The following NIPBL variants were observed in gnomAD, a reference collection of about 807,000 sequenced individuals.
The protein encoded by NIPBL is NIPBL cohesin loading factor, also known as nipped-B-like protein.
NIPBL carries 19 observed loss-of-function variants against 321.8 expected under a neutral mutation model. The observed-to-expected ratio is 0.06, with a 90% CI of 0.04 to 0.09. The LOEUF is 0.09. Ranked by LOEUF, NIPBL falls within the 10% of genes least tolerant of loss-of-function variation. The pLI, the probability that NIPBL is intolerant of heterozygous loss-of-function variation, is 1.00. For missense variants in NIPBL, 2,210 were observed against 3,327.0 expected (o/e 0.66, Z 8.26); for synonymous variants, 1,106 against 1,114.1 (o/e 0.99, Z 0.14).
chr5:36,886,040 A>G (rs752823056), intron 1 of NIPBL: 3 of 713,394 alleles, frequency 4.2e-6, no homozygotes, highest in South Asian at 1.4e-5. Context: ...GGAGAGCACC[A>G]CAGTGGTCAC....
At chr5:36,909,659 ATGAG>A (rs1182470155) in intron 1 of NIPBL, among the ~76,000 whole-genome samples, 1 of 152,198 alleles carries the variant, frequency 6.6e-6, no homozygotes, top group African/African-American at 2.4e-5. Flanking sequence ...ACCTACCTGA[ATGAG>A]TATTATAAAT....
chr5:37,022,888 G>T (rs1749812815), intron 29 of NIPBL, among the ~76,000 whole-genome samples: 1 of 152,124 alleles, frequency 6.6e-6, no homozygotes, highest in South Asian at 2.1e-4. Context: ...AGTCCATTGA[G>T]GTTTAAGAGC....
At chr5:36,994,186 C>G (rs147701512) in intron 10 of NIPBL, among the ~76,000 whole-genome samples, 2 of 152,180 alleles carry the variant, frequency 1.3e-5, no homozygotes, top group East Asian at 3.9e-4. Flanking sequence ...AGAAATATTA[C>G]CTGATTTCAA....
intron 34 of NIPBL, among the ~76,000 whole-genome samples, chr5:37,039,153 CACATTAATAAGGA>C (rs1395085643): frequency 2.6e-4 from 39 of 152,032 alleles, no homozygotes. Context: ...CCATCTAATG[CACATTAATAAGGA>C]ACAGTAGTCA....
At chr5:36,997,217 T>G (rs1157654541) in intron 11 of NIPBL, among the ~76,000 whole-genome samples, 4 of 152,074 alleles carry the variant, frequency 2.6e-5, no homozygotes, top group African/African-American at 7.2e-5. Flanking sequence ...CCTCTTTCCC[T>G]CTAATAAACA....
chr5:36,956,128 G>A (rs1740916570), intron 3 of NIPBL, among the ~76,000 whole-genome samples: 1 of 151,874 alleles, frequency 6.6e-6, no homozygotes, highest in South Asian at 2.1e-4. Flanking sequence ...CTACTCGGGA[G>A]GCTGAGGCAG....
At chr5:37,061,360 C>T (rs533886522) in intron 45 of NIPBL, among the ~76,000 whole-genome samples, 3 of 152,178 alleles carry the variant, frequency 2.0e-5, no homozygotes, top group East Asian at 3.9e-4. Context: ...CCAAATCCTC[C>T]GATATTCAAG....
chr5:36,940,658 CAT>C (rs1176535943), intron 1 of NIPBL, among the ~76,000 whole-genome samples: 1 of 151,794 alleles, frequency 6.6e-6, no homozygotes, highest in Non-Finnish European at 1.5e-5. Flanking sequence ...TTTTGTTTTT[CAT>C]ATAAAAAACA....
chr5:36,996,524 C>A lies in NIPBL; in HGVS notation c.3304+720C>A, dbSNP rs1746160581. 4.4e-6 allele frequency: 2 copies of A among 456,610 alleles called. No homozygotes were observed. Among genetic ancestry groups the A allele is most frequent in the Non-Finnish European group, 4.4e-6 (1 of 226,904 alleles). 28.3% of individuals were successfully genotyped at this position (456,610 alleles called of 1,614,324 possible). On this transcript the variant is annotated intron_variant, in intron 11 of 46. Transcript: ENST00000282516. The surrounding 1 kb of genome is among the most constrained non-coding windows in gnomAD (Gnocchi z 5.0). ...TCTCTACAACACTGTGATCACCTGT[C>A]TTTGCACTAGACTTGCTATACCTCG...
In NIPBL at chr5:37,028,850, A is replaced by G. The variant is rs551205564; in HGVS notation, c.5862+1438A>G. Among the ~76,000 whole-genome samples, 3 of 152,264 alleles carry G rather than the reference A, an allele frequency of 2.0e-5. No individual in the cohort carries two copies. In the South Asian group the frequency reaches 6.2e-4, roughly 32 times the overall value. ...AGTTGGTTTGCAGTTGCTTTGGTTG[A>G]TATACTCTTAAGTCTCTTATGTTAG... On this transcript the variant is annotated intron_variant, in intron 32 of 46. Transcript: ENST00000282516.
At chr5:37,062,334 A>G (rs13186745) in intron 45 of NIPBL, among the ~76,000 whole-genome samples, 16,329 of 152,146 alleles carry the variant, frequency 0.11, 1,145 homozygotes, top group Admixed American at 0.19. Context: ...TTCTTTTCTG[A>G]TAACCAATAT....
intron 3 of NIPBL, among the ~76,000 whole-genome samples, chr5:36,956,778 C>A (rs1741014498): frequency 6.6e-6 from 1 of 151,652 alleles, no homozygotes; most frequent in African/African-American, 2.4e-5. Flanking sequence ...GCCCCCACCA[C>A]CATGCCTGGC....
chr5:36,993,788 A>G (rs921620082), intron 10 of NIPBL, among the ~76,000 whole-genome samples: 3 of 152,124 alleles, frequency 2.0e-5, no homozygotes, highest in African/African-American at 7.2e-5. Flanking sequence ...ATTCTTAGAA[A>G]TTTTGGAAAT....
At chr5:36,929,938 G>T (rs906038102) in intron 1 of NIPBL, among the ~76,000 whole-genome samples, 1 of 151,878 alleles carries the variant, frequency 6.6e-6, no homozygotes, top group Admixed American at 6.6e-5. Flanking sequence ...TGATCAATCC[G>T]TATACCTGTC....
rs1329707262 is a variant in NIPBL at position 37,045,337 on chromosome 5, G to A, written c.6344-106G>A. 9.7e-6 allele frequency: 8 copies of A among 825,364 alleles called. No individual in the cohort carries two copies. In the Admixed American group the frequency reaches 1.9e-4, roughly 19 times the overall value. 51.1% of individuals were successfully genotyped at this position (825,364 alleles called of 1,614,324 possible). ...TCACTGCACTCCAGCCTGGGTGACA[G>A]TGAGACTCCATCTCAAAAAAAAAAT... On this transcript the variant is annotated intron_variant, in intron 36 of 46. Coordinates refer to ENST00000282516, the MANE Select transcript of NIPBL (RefSeq NM_133433.4).
chr5:36,992,376 A>G (rs1745626142), intron 10 of NIPBL, among the ~76,000 whole-genome samples: 1 of 152,240 alleles, frequency 6.6e-6, no homozygotes, highest in South Asian at 2.1e-4. Flanking sequence ...ATACTAAGAG[A>G]TAGCAAGACT....
intron 1 of NIPBL, among the ~76,000 whole-genome samples, chr5:36,925,428 C>T (rs1264367636): frequency 1.3e-5 from 2 of 151,860 alleles, no homozygotes; most frequent in Middle Eastern, 3.4e-3. Flanking sequence ...ACCACCACAC[C>T]GGCTAATTTT....
chr5:37,006,521 T>G lies in NIPBL; in HGVS notation c.4020T>G (p.Thr1340=). 1 of 1,612,000 alleles carries G rather than the reference T, an allele frequency of 6.2e-7. No homozygotes were observed. The highest frequency in any genetic ancestry group is 8.5e-7 in the Non-Finnish European group (1 of 1,178,466). ...TAATTGAAAGAGTTATACAGTACAC[T>G]AAATTTCATTTGCAGAATACACTTT... The part of the protein sequence containing the change: ...EDVIERVIQY[T]KFHLQNTLYP... Residue 1340 remains threonine, a synonymous_variant, in exon 17 of 47, where the codon ACT becomes ACG. Coordinates refer to ENST00000282516, the MANE Select transcript of NIPBL (RefSeq NM_133433.4).
intron 1 of NIPBL, among the ~76,000 whole-genome samples, chr5:36,895,475 A>G (rs1012953037): frequency 2.6e-5 from 4 of 152,210 alleles, no homozygotes; most frequent in Non-Finnish European, 4.4e-5. Flanking sequence ...TCTCCTGAGT[A>G]GGTACAAAGG....
Sources: gnomAD v4.1 joint callset for allele counts (sites outside exome capture counted in the v4.1 genomes callset) on GRCh38, gnomAD v4.1.1 for gene constraint, Gnocchi (gnomAD v3.1) non-coding constraint, MANE v1.5 for transcripts, NCBI Gene and HGNC (gene_info 2026-07-23, HGNC 2026-07-21) for gene names.